TLE1: variants seen among roughly 807,000 people sequenced by gnomAD.
TLE1 encodes the protein transducin-like enhancer protein 1.
A neutral mutation model predicts 89.8 loss-of-function variants in TLE1; 21 were observed. The observed-to-expected ratio is 0.23, with a 90% CI of 0.17 to 0.34. The LOEUF is 0.34. TLE1 is among the 10% of genes least tolerant of loss of function. The pLI is 1.00. For missense variants in TLE1, 795 were observed against 1,031.2 expected (o/e 0.77, Z 3.14); for synonymous variants, 447 against 407.6 (o/e 1.10, Z -1.16).
intron 4 of TLE1, among the ~76,000 whole-genome samples, chr9:81,661,475 C>A (rs1217539938): frequency 6.6e-6 from 1 of 151,904 alleles, no homozygotes; most frequent in East Asian, 1.9e-4. Context: ...GCACCTTGCC[C>A]AAAGTCAGCT....
chr9:81,672,529 C>T (rs1330392565), intron 4 of TLE1, among the ~76,000 whole-genome samples: 1 of 150,436 alleles, frequency 6.6e-6, no homozygotes, highest in Non-Finnish European at 1.5e-5. Flanking sequence ...TGACTGTCAA[C>T]AAAAATCTCA....
chr9:81,598,167 C>T (rs893648504), intron 14 of TLE1, among the ~76,000 whole-genome samples: 2 of 152,160 alleles, frequency 1.3e-5, no homozygotes, highest in Non-Finnish European at 2.9e-5. Flanking sequence ...GCTCTTCAAG[C>T]TCTTTAGGGC....
intron 9 of TLE1, among the ~76,000 whole-genome samples, chr9:81,619,604 C>T (rs1824979587): frequency 6.6e-6 from 1 of 152,190 alleles, no homozygotes; most frequent in Non-Finnish European, 1.5e-5. Flanking sequence ...CCTGCAAGGG[C>T]ATCAGGGACG....
At chr9:81,598,732 G>T (rs377152054) in intron 14 of TLE1, among the ~76,000 whole-genome samples, 18 of 152,144 alleles carry the variant, frequency 1.2e-4, no homozygotes, top group African/African-American at 4.1e-4. Flanking sequence ...TTCCTAAGGG[G>T]GAAAGGCAGT....
At position 81,593,203 on chromosome 9, in the gene TLE1, C is replaced by T; in HGVS notation, c.1403G>A (p.Gly468Glu). 4 of 1,614,084 alleles carry T rather than the reference C, an allele frequency of 2.5e-6. No individual in the cohort carries two copies. Among genetic ancestry groups the T allele is most frequent in the Non-Finnish European group, 3.4e-6 (4 of 1,180,022 alleles). Residue 468 changes from glycine (G) to glutamate (E), a missense_variant, in exon 15 of 20, where the codon GGA becomes GAA. Around this residue, in one of 4 missense-constraint regions of TLE1, gnomAD observed 468 missense variants for 509.1 expected, o/e 0.92. Transcript: ENST00000376499. ...GCGAGCATGCCGGGGGATTCCGGGTCCGATGAGGGCGTCGGGGGGAAAAGG... is the reference window on the plus strand; with the variant it reads ...GCGAGCATGCCGGGGGATTCCGGGTTCGATGAGGGCGTCGGGGGGAAAAGG... ...PVPFPPDALI[G>E]PGIPRHARQI...
At chr9:81,671,220 A>C (rs1381455581) in intron 4 of TLE1, among the ~76,000 whole-genome samples, 1 of 151,994 alleles carries the variant, frequency 6.6e-6, no homozygotes, top group Non-Finnish European at 1.5e-5. Context: ...GTTCAAAACT[A>C]ATGTATTCTT....
chr9:81,653,813 T>A (rs749903127), intron 5 of TLE1, among the ~76,000 whole-genome samples, 161 bp downstream of exon 5: 1 of 152,194 alleles, frequency 6.6e-6, no homozygotes, highest in Non-Finnish European at 1.5e-5. Flanking sequence ...CAGTGTGCCC[T>A]CAGATGTGTT....
chr9:81,613,600 G>A, intron 11 of TLE1, 79 bp from the exon 12 acceptor site: 6 of 1,527,986 alleles, frequency 3.9e-6, no homozygotes, highest in Non-Finnish European at 5.3e-6. Context: ...CAGCAGCTGG[G>A]ACACTGGGCA....
rs527970876 is a variant in TLE1 at position 81,604,766 on chromosome 9, C to G, written c.1331+5454G>C. Among the ~76,000 whole-genome samples, 6 of 152,238 alleles carry G rather than the reference C, an allele frequency of 3.9e-5. No individual in the cohort carries two copies. The East Asian group carries it at 1.2e-3, about 30-fold the overall frequency. ...CTGTAACACTCAGGAGGCACTCATC[C>G]ACCTGCACATGGATCCCTCAAGCTC... On this transcript the variant is annotated intron_variant, in intron 14 of 19. Coordinates refer to ENST00000376499, the MANE Select transcript of TLE1 (RefSeq NM_005077.5).
At chr9:81,618,144 T>C (rs920241261) in intron 9 of TLE1, among the ~76,000 whole-genome samples, 4 of 152,208 alleles carry the variant, frequency 2.6e-5, no homozygotes, top group African/African-American at 7.2e-5. Flanking sequence ...GGCAGAGTAA[T>C]ACATTATACA....
intron 4 of TLE1, among the ~76,000 whole-genome samples, chr9:81,672,428 G>A (rs550683336): frequency 6.6e-6 from 1 of 150,638 alleles, no homozygotes; most frequent in Admixed American, 6.7e-5. Context: ...CCGCCTCCCA[G>A]GTTCAAGTGA....
At chr9:81,603,362 T>C (rs1329227901) in intron 14 of TLE1, among the ~76,000 whole-genome samples, 2 of 152,136 alleles carry the variant, frequency 1.3e-5, no homozygotes, top group Non-Finnish European at 2.9e-5. Flanking sequence ...CCACACCAAA[T>C]ATGCCCTTTC....
chr9:81,688,179 C>G (rs1564094278), intron 1 of TLE1, 38 bp downstream of exon 1: 11 of 1,600,794 alleles, frequency 6.9e-6, no homozygotes, highest in East Asian at 2.3e-5. Flanking sequence ...GCCTCCCCAA[C>G]GATCCTGGCC....
At position 81,584,324 on chromosome 9, in the gene TLE1, G is replaced by C; in HGVS notation, c.2206-19C>G. 1 of 1,612,390 alleles carries C rather than the reference G, an allele frequency of 6.2e-7. No homozygotes were observed. ...CTTTGGACTGGAAGAGAAAACAATGGACATGTGTTTAATGTGGAACAACGG... is the reference window on the plus strand; with the variant it reads ...CTTTGGACTGGAAGAGAAAACAATGCACATGTGTTTAATGTGGAACAACGG... On this transcript the variant is annotated intron_variant, in intron 19 of 19. Transcript: ENST00000376499.
At chr9:81,671,762 A>T (rs1263990794) in intron 4 of TLE1, among the ~76,000 whole-genome samples, 2 of 152,210 alleles carry the variant, frequency 1.3e-5, no homozygotes, top group Non-Finnish European at 2.9e-5. Flanking sequence ...CATCTAGGGT[A>T]GTCGATTATA....
intron 2 of TLE1, among the ~76,000 whole-genome samples, chr9:81,686,835 T>A (rs1009693452): frequency 2.6e-5 from 4 of 152,188 alleles, no homozygotes; most frequent in Non-Finnish European, 5.9e-5. Context: ...TTCTTCTTTA[T>A]ACTATTATAC....
In TLE1 at chr9:81,688,689, C is replaced by A; in HGVS notation, c.-449G>T. 1 of 159,880 alleles carries A rather than the reference C, an allele frequency of 6.3e-6. No individual in the cohort carries two copies. The highest frequency in any genetic ancestry group is 2.0e-4 in the South Asian group (1 of 4,954). The allele number at this position is 159,880 out of a possible 1,614,324, so 9.9% of individuals were successfully genotyped here. On this transcript the variant is annotated 5_prime_UTR_variant, in exon 1 of 20. In the 5' UTR this introduces an upstream ATG that the reference lacks. Transcript: ENST00000376499. ...TTTCTTTGCTCTTCTCCTGGTCCGC[C>A]TCCTCTTCGGGCTTTCCCCGAGGCG...
chr9:81,585,264 A>G lies in TLE1; in HGVS notation c.2128+241T>C, dbSNP rs113165560. Among the ~76,000 whole-genome samples the G allele has an allele frequency of 2.4e-3, 363 of 152,150 alleles. 2 individuals carry two copies. Among genetic ancestry groups the G allele is most frequent in the Middle Eastern group, 0.02 (6 of 294 alleles). ...ATTGTCGTCTCCCAACCCCTCCAAA[A>G]CAAACTTGTGTCCAAACCGTGTATT... is the stretch of plus-strand genomic sequence containing the variant. On this transcript the variant is annotated intron_variant, in intron 18 of 19. Transcript: ENST00000376499.
In TLE1 at chr9:81,584,467, T is replaced by C. The variant is rs146295477; in HGVS notation, c.2186A>G (p.Tyr729Cys). 23 of 1,614,180 alleles carry C rather than the reference T, an allele frequency of 1.4e-5. No individual in the cohort carries two copies. Among genetic ancestry groups the C allele is most frequent in the South Asian group, 7.7e-5 (7 of 91,078 alleles). The change falls in exon 19 of 20, where the codon TAT (tyrosine) becomes TGT (cysteine). Residue 729 changes from tyrosine (Y) to cysteine (C), a missense_variant. Transcript: ENST00000376499. The stretch of plus-strand genomic sequence containing the variant: ...ACTCACCTGGAATATGCTGGCTCCA[T>C]AGGGGGTCCGCCAAGCATTGAGGAG... ...DNLLNAWRTP[Y>C]GASIFQSKES...
Sources: allele counts gnomAD v4.1 joint callset (sites outside exome capture counted in the v4.1 genomes callset), GRCh38; gene constraint gnomAD v4.1.1; regional missense constraint gnomAD v4.1.1; transcripts MANE v1.5; gene names NCBI Gene and HGNC (gene_info 2026-07-23, HGNC 2026-07-21).